Variants in TACC2 observed in about 807,000 individuals in gnomAD.
TACC2 encodes transforming acidic coiled-coil-containing protein 2.
A neutral mutation model predicts 227.3 loss-of-function variants in TACC2; 137 were observed. The ratio of observed to expected loss-of-function variants is 0.60; its 90% confidence interval spans 0.52 to 0.69. The LOEUF (loss-of-function observed/expected upper bound fraction) is 0.69, where lower values mean the gene tolerates loss of function less well. Ranked by LOEUF, TACC2 falls within the 30% of genes least tolerant of loss-of-function variation. TACC2 has a pLI of 0.00. For synonymous variants in TACC2, 1,523 were observed against 1,487.5 expected (o/e 1.02, Z -0.55); for missense variants, 3,470 against 3,694.4 (o/e 0.94, Z 1.57).
chr10:122,108,442 C>CT (rs34097153), intron 5 of TACC2, among the ~76,000 whole-genome samples: 27,611 of 90,092 alleles, frequency 0.31, 4,866 homozygotes, highest in Admixed American at 0.35. Context: ...GTCATATTTT[C>CT]TTTTTTTTTT....
intron 3 of TACC2, among the ~76,000 whole-genome samples, chr10:122,060,222 T>C (rs1158363963): frequency 2.0e-5 from 3 of 152,138 alleles, no homozygotes; most frequent in Admixed American, 2.0e-4. Flanking sequence ...CTGAAGGCCA[T>C]GGTGAGGAAC....
Position 122,153,373 on chromosome 10 carries a change from A to G in TACC2, c.5834+9667A>G, listed in dbSNP as rs562429077. 2.6e-5 allele frequency among the ~76,000 whole-genome samples: 4 copies of G among 152,362 alleles called. No homozygotes were observed. In the South Asian group the frequency reaches 8.3e-4, roughly 32 times the overall value. On this transcript the variant is annotated intron_variant, in intron 7 of 22. Transcript: ENST00000369005. ...TTGTGCCCATTTTATAGATGGGACA[A>G]CTGAAGCCCAGCAAAGTCAGAACAC...
intron 5 of TACC2, among the ~76,000 whole-genome samples, chr10:122,114,503 G>A (rs1183179809): frequency 6.6e-6 from 1 of 152,226 alleles, no homozygotes; most frequent in South Asian, 2.1e-4. Context: ...CAGGCCAGGC[G>A]GGAGGGCCTC....
intron 3 of TACC2, among the ~76,000 whole-genome samples, chr10:122,063,714 C>G (rs2077083713): frequency 6.6e-6 from 1 of 151,724 alleles, no homozygotes; most frequent in Admixed American, 6.6e-5. Flanking sequence ...CTTCTTTTTT[C>G]TAGTTCTTTT....
intron 2 of TACC2, among the ~76,000 whole-genome samples, chr10:122,048,326 G>T (rs552848002): frequency 9.9e-5 from 15 of 152,096 alleles, no homozygotes; most frequent in Admixed American, 3.3e-4. Context: ...TGGGACTGGG[G>T]TCTGTCTCCC....
At chr10:122,240,878 G>T (rs2095977399) in intron 18 of TACC2, among the ~76,000 whole-genome samples, 1 of 152,306 alleles carries the variant, frequency 6.6e-6, no homozygotes, top group African/African-American at 2.4e-5. Context: ...GACAAACAGG[G>T]GATCTTAGTG....
chr10:122,000,358 G>A (rs539943974), intron 1 of TACC2, among the ~76,000 whole-genome samples: 11 of 152,140 alleles, frequency 7.2e-5, no homozygotes, highest in Admixed American at 6.6e-4. Flanking sequence ...CAGCCTGGGC[G>A]ACAGAATGAG....
chr10:122,248,187 C>A, intron 19 of TACC2: 1 of 156,808 alleles, frequency 6.4e-6, no homozygotes. Flanking sequence ...TAAGGATCTC[C>A]AAAGACCTCC....
chr10:122,034,823 G>A (rs775213504), intron 2 of TACC2, among the ~76,000 whole-genome samples: 14 of 151,926 alleles, frequency 9.2e-5, no homozygotes, highest in Admixed American at 2.6e-4. Context: ...AGCTACACAG[G>A]AGGCTGAGGC....
At chr10:122,077,767 G>C (rs77057756) in intron 3 of TACC2, among the ~76,000 whole-genome samples, 1 of 152,246 alleles carries the variant, frequency 6.6e-6, no homozygotes, top group African/African-American at 2.4e-5. Context: ...GCGCCACAGG[G>C]CTCAATCTTG....
At chr10:122,023,326 G>C (rs768192684) in intron 2 of TACC2, 2 of 152,044 alleles carry the variant, frequency 1.3e-5, no homozygotes, top group African/African-American at 4.8e-5. Context: ...CCCCGCGCCC[G>C]GCCTCTACAA....
Position 122,086,232 on chromosome 10 carries a change from C to T in TACC2, c.3732C>T (p.Ala1244=), listed in dbSNP as rs773826102. The T allele has an allele frequency of 5.0e-6, 8 of 1,613,786 alleles. No homozygotes were observed. In the African/African-American group the frequency reaches 1.1e-4, roughly 22 times the overall value. The change falls in exon 4 of 23, where the codon GCC becomes GCT. Residue 1244 remains alanine (A), a synonymous_variant. Transcript: ENST00000369005. ...CTTACCTGCATGTCGACAGTGCTGC[C>T]CAGAGAGGAGCAGAAGACAGTGGAG... The part of the protein sequence containing the change: ...DTPYLHVDSA[A]QRGAEDSGVK...
intron 18 of TACC2, 86 bp from the exon 19 acceptor site, chr10:122,241,872 C>G: frequency 7.7e-7 from 1 of 1,299,864 alleles, no homozygotes; most frequent in East Asian, 2.3e-5. Flanking sequence ...CCCTGCTGGA[C>G]ATGGGTCAGG....
At chr10:122,027,888 C>T (rs1399967712) in intron 2 of TACC2, among the ~76,000 whole-genome samples, 7 of 150,898 alleles carry the variant, frequency 4.6e-5, no homozygotes, top group Admixed American at 1.3e-4. Context: ...GGACTACAGG[C>T]GCCTGTCACC....
chr10:122,134,276 A>G (rs957781609), intron 6 of TACC2, among the ~76,000 whole-genome samples: 4 of 150,836 alleles, frequency 2.7e-5, no homozygotes, highest in African/African-American at 9.8e-5. Context: ...GGTTCAAGCG[A>G]TTCTCCTGCC....
intron 7 of TACC2, chr10:122,163,751 C>T: frequency 3.3e-6 from 4 of 1,195,446 alleles, no homozygotes; most frequent in Non-Finnish European, 4.1e-6. Context: ...CGGCTCGGGC[C>T]GCGAGTCGCA....
chr10:122,081,715 A>G lies in TACC2; in HGVS notation c.147-932A>G, dbSNP rs538275734. Among the ~76,000 whole-genome samples, 369 of 152,288 alleles carry G rather than the reference A, an allele frequency of 2.4e-3. 2 individuals carry two copies. Among genetic ancestry groups the G allele is most frequent in the African/African-American group, 8.5e-3 (352 of 41,560 alleles). On this transcript the variant is annotated intron_variant, in intron 3 of 22. Transcript: ENST00000369005. ...CTTTTTTTCGCCACACATTACCCAG[A>G]TAAGTGTTCAAGTTAAGACAAATAT... is the stretch of plus-strand genomic sequence containing the variant.
intron 2 of TACC2, among the ~76,000 whole-genome samples, chr10:122,037,055 C>T (rs940928906): frequency 1.3e-5 from 2 of 152,104 alleles, no homozygotes; most frequent in Admixed American, 1.3e-4. Flanking sequence ...GGGGACAGCT[C>T]TCTGTAGAGA....
At chr10:122,081,420 C>T (rs527774076) in intron 3 of TACC2, among the ~76,000 whole-genome samples, 29 of 149,448 alleles carry the variant, frequency 1.9e-4, no homozygotes, top group East Asian at 1.2e-3. Context: ...CCCAGCTACC[C>T]GGGAGGCTGA....
Sources: allele counts gnomAD v4.1 joint callset (sites outside exome capture counted in the v4.1 genomes callset), GRCh38; gene constraint gnomAD v4.1.1; transcripts MANE v1.5; gene names NCBI Gene and HGNC (gene_info 2026-07-23, HGNC 2026-07-21).